Variants in MYH7B observed in about 807,000 individuals in gnomAD.
MYH7B encodes the protein myosin heavy chain 7B.
Under a neutral mutation model 234.5 loss-of-function variants are expected in MYH7B, and 205 were observed. The ratio of observed to expected loss-of-function variants is 0.87; its 90% CI spans 0.78 to 0.98. The LOEUF (loss-of-function observed/expected upper bound fraction) is 0.98. MYH7B is among the 50% of genes least tolerant of loss of function. MYH7B has a pLI of 0.00. For synonymous variants in MYH7B, 1,193 were observed against 1,105.0 expected, an observed-to-expected ratio of 1.08 and a Z score of -1.58; for missense variants, 2,652 against 2,633.4, an observed-to-expected ratio of 1.01 and a Z score of -0.15.
chr20:34,994,776 C>T (rs1312619984), intron 27 of MYH7B, among the ~76,000 whole-genome samples: 1 of 152,250 alleles, frequency 6.6e-6, no homozygotes, highest in Non-Finnish European at 1.5e-5. Context: ...TGGAATCTCC[C>T]CAGGTCCACA....
In MYH7B at chr20:35,000,545, G is replaced by A. The variant is rs3746434; in HGVS notation, c.5034G>A (p.Ala1678=). 396 of 1,583,962 alleles carry A rather than the reference G, an allele frequency of 2.5e-4. 2 individuals carry two copies. The East Asian group carries it at 8.2e-3, about 33-fold the overall frequency. ...TGGCAGCTGAGCTCCACGAGCAGGC[G>A]CAGGCTCTGGAGCGCCGGGCCTCGC... Residue 1678 remains alanine, a synonymous_variant, in exon 39 of 45, where the codon GCG becomes GCA. Coordinates refer to ENST00000262873, the Ensembl canonical transcript of MYH7B.
chr20:34,988,408 A>C, intron 19 of MYH7B, 146 bp downstream of exon 19: 1 of 925,572 alleles, frequency 1.1e-6, no homozygotes, highest in Non-Finnish European at 1.6e-6. Context: ...ATGTGAGTGT[A>C]GTTGTGACAG....
rs770466990 is a variant in MYH7B, at chr20:35,001,534, C to T, written c.5676+8C>T. 77 of 1,596,640 alleles carry T rather than the reference C, an allele frequency of 4.8e-5. No individual in the cohort carries two copies. Among genetic ancestry groups the T allele is most frequent in the East Asian group, 6.8e-5 (3 of 43,822 alleles). On this transcript the variant is annotated splice_region_variant and intron_variant, in intron 43 of 44. Coordinates refer to ENST00000262873, the Ensembl canonical transcript of MYH7B. ...CGCCAGTTTGAGGAGGCGGTGAGTG[C>T]GCTGGGGCCTGGACACCTGGACCGG...
rs1001161955 is a variant in MYH7B, at chr20:34,978,141, C to T, written c.91+45C>T. The T allele has an allele frequency of 1.4e-5, 23 of 1,608,014 alleles. No individual in the cohort carries two copies. In the Admixed American group the frequency reaches 3.8e-4, roughly 27 times the overall value. On this transcript the variant is annotated intron_variant, in intron 5 of 44. Coordinates refer to ENST00000262873, the Ensembl canonical transcript of MYH7B. ...GAGGGGTCATAGCCACAGAGATGCCCTTATGGACTCAGACCAGGAATTGGG... is the reference window on the plus strand; with the variant it reads ...GAGGGGTCATAGCCACAGAGATGCCTTTATGGACTCAGACCAGGAATTGGG...
chr20:34,978,622 T>C (rs1219574001), intron 5 of MYH7B, among the ~76,000 whole-genome samples: 3 of 152,144 alleles, frequency 2.0e-5, no homozygotes, highest in African/African-American at 4.8e-5. Flanking sequence ...CCATGCATCA[T>C]CTCAACAACC....
At chr20:34,998,794 G>GAGGCTGAGGCCC in exon 35 of MYH7B, 1 of 1,613,312 alleles carries the variant, frequency 6.2e-7, no homozygotes, top group Non-Finnish European at 8.5e-7. Flanking sequence ...ACACGAGGAG[G>GAGGCTGAGGCCC]AGGCTGAGGC....
intron 1 of MYH7B, among the ~76,000 whole-genome samples, chr20:34,956,673 A>T (rs959829977): frequency 6.6e-6 from 1 of 152,164 alleles, no homozygotes. Flanking sequence ...GTCTTGAAGG[A>T]TGGATAGGAA....
chr20:34,999,504 T>G lies in MYH7B; in HGVS notation c.4541-67T>G, dbSNP rs2082327655. The G allele has an allele frequency of 2.6e-6, 4 of 1,535,872 alleles. No individual in the cohort carries two copies. The South Asian group carries it at 3.9e-5, about 15-fold the overall frequency. ...GGTGGGGCCACCCTGGAATCAGGGG[T>G]GAGTGGAGTGACCTGGGTGGGAGTA... is the stretch of plus-strand genomic sequence containing the variant. On this transcript the variant is annotated intron_variant, in intron 36 of 44. Transcript: ENST00000262873.
chr20:34,993,360 C>A (rs770970396), exon 26 of MYH7B: 2 of 1,613,872 alleles, frequency 1.2e-6, no homozygotes, highest in South Asian at 1.1e-5. Flanking sequence ...GGCTTCTAGG[C>A]GTCCTGGAAG....
chr20:34,989,916 C>T (rs778535472), exon 20 of MYH7B: 27 of 1,613,810 alleles, frequency 1.7e-5, no homozygotes, highest in African/African-American at 1.1e-4. Context: ...ACTACGCAGG[C>T]GTGGTAGGTG....
intron 2 of MYH7B, among the ~76,000 whole-genome samples, chr20:34,964,850 G>A (rs7260770): frequency 0.24 from 37,154 of 152,020 alleles, 4,989 homozygotes; most frequent in Non-Finnish European, 0.31. Context: ...CTTTTTCTGG[G>A]ACTTTTTCAT....
intron 9 of MYH7B, 161 bp downstream of exon 9, chr20:34,981,221 C>CT: frequency 3.7e-6 from 3 of 803,840 alleles, no homozygotes; most frequent in Non-Finnish European, 4.0e-6. Flanking sequence ...GGCCTGAGCA[C>CT]TTTCCCTGCC....
intron 32 of MYH7B, 31 bp downstream of exon 32, chr20:34,997,671 C>T (rs200730535): frequency 1.1e-5 from 17 of 1,610,320 alleles, no homozygotes; most frequent in African/African-American, 2.7e-5. Flanking sequence ...CCATACCCAC[C>T]CTGACTTTAA....
At chr20:34,999,848 G>A in exon 38 of MYH7B, 10 of 1,612,260 alleles carry the variant, frequency 6.2e-6, no homozygotes, top group Middle Eastern at 1.7e-4. Flanking sequence ...GCTCTCCCAG[G>A]TCAAAGCAGA....
At chr20:34,982,668 T>G in intron 10 of MYH7B, 113 bp downstream of exon 10, 1 of 931,638 alleles carries the variant, frequency 1.1e-6, no homozygotes, top group South Asian at 1.8e-5. Flanking sequence ...CCCAGAACCC[T>G]GAGCCCTGCC....
At chr20:34,998,746 C>A (rs2082310204) in exon 35 of MYH7B, 1 of 1,612,318 alleles carries the variant, frequency 6.2e-7, no homozygotes, top group Non-Finnish European at 8.5e-7. Flanking sequence ...CCACGCCGTG[C>A]AGGCTCTGCG....
chr20:34,993,046 G>A (rs2082184545), intron 24 of MYH7B, 56 bp from the exon 25 acceptor site: 3 of 1,570,762 alleles, frequency 1.9e-6, no homozygotes, highest in Non-Finnish European at 1.7e-6. Flanking sequence ...CCCATTCTCA[G>A]TGGCCTGTGC....
intron 2 of MYH7B, among the ~76,000 whole-genome samples, chr20:34,970,840 A>G (rs929611500): frequency 2.6e-5 from 4 of 152,214 alleles, no homozygotes; most frequent in African/African-American, 9.7e-5. Context: ...GACAACATCG[A>G]AAGAACAAGA....
At chr20:34,986,947 C>A in exon 15 of MYH7B, 2 of 1,614,100 alleles carry the variant, frequency 1.2e-6, no homozygotes, top group South Asian at 2.2e-5. Flanking sequence ...GCGTCATCAC[C>A]GTGGACAACA....
Sources: allele counts gnomAD v4.1 joint callset (sites outside exome capture counted in the v4.1 genomes callset), GRCh38; gene constraint gnomAD v4.1.1; transcripts MANE v1.5; gene names NCBI Gene and HGNC (gene_info 2026-07-23, HGNC 2026-07-21).